Variants in TPD52 observed in about 807,000 individuals in gnomAD.
The protein encoded by TPD52 is tumor protein D52.
TPD52 carries 17 observed loss-of-function variants against 31.3 expected under a neutral mutation model. The observed-to-expected ratio is 0.54, with a 90% CI of 0.37 to 0.82. TPD52 has a LOEUF of 0.82. Ranked by LOEUF, TPD52 falls within the 40% of genes least tolerant of loss-of-function variation. The pLI is 0.00. For missense variants in TPD52, 212 were observed against 240.1 expected, an observed-to-expected ratio of 0.88 and a Z score of 0.77; for synonymous variants, 83 against 89.6, an observed-to-expected ratio of 0.93 and a Z score of 0.42.
At chr8:80,145,027 C>T (rs913275521) in intron 1 of TPD52, among the ~76,000 whole-genome samples, 13 of 152,090 alleles carry the variant, frequency 8.5e-5, no homozygotes, top group African/African-American at 3.1e-4. Flanking sequence ...ACATGAGGTT[C>T]AAAATGAGCA....
At chr8:80,142,743 C>T (rs1809923004) in intron 1 of TPD52, among the ~76,000 whole-genome samples, 1 of 152,096 alleles carries the variant, frequency 6.6e-6, no homozygotes, top group Non-Finnish European at 1.5e-5. Context: ...CAGAACTCAA[C>T]CTTCCCTTCC....
intron 2 of TPD52, among the ~76,000 whole-genome samples, chr8:80,064,035 G>C (rs1812845214): frequency 7.0e-6 from 1 of 142,042 alleles, no homozygotes; most frequent in Non-Finnish European, 1.5e-5. Flanking sequence ...AGAGAGGGGA[G>C]GGAAGGCAGG....
At chr8:80,065,306 T>C (rs1563589052) in intron 1 of TPD52, among the ~76,000 whole-genome samples, 1 of 142,576 alleles carries the variant, frequency 7.0e-6, no homozygotes. Context: ...TATCTATCTA[T>C]ATATATATAT....
intron 7 of TPD52, among the ~76,000 whole-genome samples, chr8:80,040,601 T>C (rs1586129306): frequency 6.6e-6 from 1 of 152,184 alleles, no homozygotes; most frequent in Non-Finnish European, 1.5e-5. Context: ...GGAGAGTATA[T>C]AGTGAATGAC....
At chr8:80,073,711 T>G (rs746408435) in intron 1 of TPD52, among the ~76,000 whole-genome samples, 1 of 152,240 alleles carries the variant, frequency 6.6e-6, no homozygotes, top group African/African-American at 2.4e-5. Flanking sequence ...CTCTCTCCTT[T>G]TATCTCGAGC....
chr8:80,040,888 C>A (rs1810314418), intron 7 of TPD52, among the ~76,000 whole-genome samples: 1 of 152,164 alleles, frequency 6.6e-6, no homozygotes, highest in Non-Finnish European at 1.5e-5. Flanking sequence ...GCATATTGAG[C>A]AATGTGCCAA....
chr8:80,039,863 T>C (rs1810209340), intron 7 of TPD52, among the ~76,000 whole-genome samples: 1 of 152,140 alleles, frequency 6.6e-6, no homozygotes, highest in Admixed American at 6.5e-5. Flanking sequence ...CCAGGTGAAC[T>C]TTCTGCCACT....
In TPD52 at chr8:80,035,045, G is replaced by T. The variant is rs957634889; in HGVS notation, c.*3071C>A. Reference sequence around the variant, plus strand: ...TGCAGGTTTACTTAAAAGTGATAATGGTTTATATTAACTGTGGCCCACACA... The same window carrying T: ...TGCAGGTTTACTTAAAAGTGATAATTGTTTATATTAACTGTGGCCCACACA... On this transcript the variant is annotated 3_prime_UTR_variant, in exon 8 of 8. Transcript: ENST00000518937. The T allele has an allele frequency of 6.6e-6, 1 of 152,140 alleles. No homozygotes were observed. Among genetic ancestry groups the T allele is most frequent in the Non-Finnish European group, 1.5e-5 (1 of 68,016 alleles). The allele number at this position is 152,140 out of a possible 1,614,324, so 9.4% of individuals were successfully genotyped here.
chr8:80,095,153 CTG>C (rs1423651402), intron 1 of TPD52, among the ~76,000 whole-genome samples: 1 of 152,014 alleles, frequency 6.6e-6, no homozygotes, highest in Non-Finnish European at 1.5e-5. Context: ...GGATAATAAA[CTG>C]TGGTACATCC....
intron 2 of TPD52, among the ~76,000 whole-genome samples, chr8:80,057,631 C>T (rs896961349): frequency 1.3e-5 from 2 of 152,058 alleles, no homozygotes; most frequent in Non-Finnish European, 2.9e-5. Flanking sequence ...TATACACAGA[C>T]ACAAAGATGG....
intron 1 of TPD52, among the ~76,000 whole-genome samples, chr8:80,096,508 A>G (rs1481323694): frequency 6.6e-6 from 1 of 152,178 alleles, no homozygotes; most frequent in East Asian, 1.9e-4. Flanking sequence ...CTGAAGGTTT[A>G]TGGCAACACT....
intron 1 of TPD52, among the ~76,000 whole-genome samples, chr8:80,097,436 C>T (rs1380719820): frequency 3.3e-5 from 5 of 152,160 alleles, no homozygotes; most frequent in Non-Finnish European, 7.3e-5. Flanking sequence ...ATTGTAATCC[C>T]CAGTGTTGGA....
At chr8:80,080,008 TTCC>T (rs1336309115) in intron 1 of TPD52, among the ~76,000 whole-genome samples, 3 of 152,182 alleles carry the variant, frequency 2.0e-5, no homozygotes, top group African/African-American at 7.2e-5. Context: ...GGACTTCAGA[TTCC>T]TCCTTTTTTG....
intron 1 of TPD52, among the ~76,000 whole-genome samples, chr8:80,113,677 C>T (rs1807663174): frequency 6.6e-6 from 1 of 152,078 alleles, no homozygotes; most frequent in Non-Finnish European, 1.5e-5. Flanking sequence ...ACAAGTCAGA[C>T]ACAGAAAGCA....
chr8:80,033,327 G>GA (rs1809740878), downstream of TPD52: 6 of 103,004 alleles, frequency 5.8e-5, no homozygotes, highest in Admixed American at 6.6e-4. Context: ...TTGGGGGGGG[G>GA]ACATTGTTGG....
chr8:80,123,969 GC>G (rs1333527426), intron 1 of TPD52, among the ~76,000 whole-genome samples: 1 of 152,308 alleles, frequency 6.6e-6, no homozygotes, highest in East Asian at 1.9e-4. Flanking sequence ...GTGATTATCA[GC>G]GACAGCATGT....
chr8:80,093,986 A>AT (rs954094478), intron 1 of TPD52, among the ~76,000 whole-genome samples: 6 of 152,230 alleles, frequency 3.9e-5, no homozygotes, highest in South Asian at 2.1e-4. Flanking sequence ...AAGACATGAG[A>AT]TTTTTTTTAA....
intron 1 of TPD52, among the ~76,000 whole-genome samples, chr8:80,100,841 G>A (rs1004169506): frequency 6.6e-6 from 1 of 152,208 alleles, no homozygotes; most frequent in African/African-American, 2.4e-5. Context: ...ATGATAGGAT[G>A]AGGCCCATCC....
chr8:80,136,451 G>A (rs1809425855), intron 1 of TPD52, among the ~76,000 whole-genome samples: 1 of 145,198 alleles, frequency 6.9e-6, no homozygotes, highest in African/African-American at 2.5e-5. Context: ...AGGAACCCGG[G>A]AAGCAGAGCT....
Sources: gnomAD v4.1 joint callset for allele counts (sites outside exome capture counted in the v4.1 genomes callset) on GRCh38, gnomAD v4.1.1 for gene constraint, MANE v1.5 for transcripts, NCBI Gene and HGNC (gene_info 2026-07-23, HGNC 2026-07-21) for gene names.